Variants in FER1L6 observed in about 807,000 individuals in gnomAD.
FER1L6 encodes fer-1-like protein 6.
In FER1L6, 177 loss-of-function variants were observed where a neutral mutation model predicts 219.2. That is an observed-to-expected ratio of 0.81 (90% CI 0.71 to 0.91). The LOEUF is 0.91. Ranked by LOEUF, FER1L6 falls within the 40% of genes least tolerant of loss-of-function variation. The pLI is 0.00. For synonymous variants in FER1L6, 768 were observed against 824.3 expected (o/e 0.93, Z 1.17); for missense variants, 2,153 against 2,259.9 (o/e 0.95, Z 0.96).
Position 124,018,275 on chromosome 8 carries a change from C to A in FER1L6, c.2013+557C>A, listed in dbSNP as rs183318590. ...GAAAATGTCAGTGCCAGCAAGGGCA[C>A]CAAGGGACATTTCATGTGAGGCCAG... is the stretch of plus-strand genomic sequence containing the variant. On this transcript the variant is annotated intron_variant, in intron 16 of 40. Transcript: ENST00000522917. 2.2e-4 allele frequency among the ~76,000 whole-genome samples: 34 copies of A among 152,236 alleles called. No homozygotes were observed. The East Asian group carries it at 6.4e-3, about 29-fold the overall frequency.
chr8:123,893,932 A>G (rs1812695291), intron 1 of FER1L6, among the ~76,000 whole-genome samples: 1 of 152,228 alleles, frequency 6.6e-6, no homozygotes, highest in African/African-American at 2.4e-5. Flanking sequence ...TTAGGTGGCC[A>G]CATGGTCACC....
At chr8:123,875,234 C>A (rs775114558) in intron 1 of FER1L6, among the ~76,000 whole-genome samples, 16 of 152,068 alleles carry the variant, frequency 1.1e-4, no homozygotes, top group South Asian at 2.1e-4. Flanking sequence ...CCTCAAATAT[C>A]TTCTGTACTC....
At chr8:123,899,738 G>A (rs936522975) in intron 1 of FER1L6, among the ~76,000 whole-genome samples, 2 of 152,064 alleles carry the variant, frequency 1.3e-5, no homozygotes, top group Non-Finnish European at 2.9e-5. Context: ...AATTATCCCA[G>A]CACCATTTGT....
At chr8:123,920,522 T>G (rs1416911655) in intron 1 of FER1L6, among the ~76,000 whole-genome samples, 1 of 152,212 alleles carries the variant, frequency 6.6e-6, no homozygotes, top group Admixed American at 6.5e-5. Context: ...TGACCATGTC[T>G]GCGAGCCAGA....
intron 1 of FER1L6, among the ~76,000 whole-genome samples, chr8:123,927,876 A>T (rs1308161822): frequency 6.6e-6 from 1 of 152,186 alleles, no homozygotes; most frequent in Non-Finnish European, 1.5e-5. Context: ...GCAACTTTAT[A>T]TATCACAGTG....
chr8:123,856,901 T>C (rs1816659474), intron 1 of FER1L6, among the ~76,000 whole-genome samples: 1 of 152,040 alleles, frequency 6.6e-6, no homozygotes, highest in African/African-American at 2.4e-5. Context: ...CAGATGGAGA[T>C]GGGGCAGACC....
At chr8:124,045,261 G>A (rs1427652157) in intron 20 of FER1L6, among the ~76,000 whole-genome samples, 1 of 152,300 alleles carries the variant, frequency 6.6e-6, no homozygotes, top group African/African-American at 2.4e-5. Flanking sequence ...TTAGCAGCCT[G>A]CCTGGGCTTT....
intron 1 of FER1L6, among the ~76,000 whole-genome samples, chr8:123,933,245 G>A (rs1199448079): frequency 6.6e-6 from 1 of 152,202 alleles, no homozygotes; most frequent in Non-Finnish European, 1.5e-5. Flanking sequence ...AACCAGAGCA[G>A]AAAGTAACAT....
chr8:124,077,362 G>A (rs1821335902), intron 32 of FER1L6, among the ~76,000 whole-genome samples: 1 of 152,150 alleles, frequency 6.6e-6, no homozygotes, highest in African/African-American at 2.4e-5. Flanking sequence ...TTTATCTTGA[G>A]TAAACAGGAA....
chr8:123,861,315 G>A (rs1364787010), intron 1 of FER1L6, among the ~76,000 whole-genome samples: 2 of 139,316 alleles, frequency 1.4e-5, no homozygotes, highest in South Asian at 2.3e-4. Context: ...TATTTCTGAG[G>A]GCTCTGTTCT....
rs752883324 is a variant in FER1L6 at position 124,011,910 on chromosome 8, A to G, written c.1821+1196A>G. On this transcript the variant is annotated intron_variant, in intron 14 of 40. Transcript: ENST00000522917. The stretch of plus-strand genomic sequence containing the variant: ...GCATAATACCTGGCACGTGATAGCC[A>G]CTAAATAATTATTCAGGGAATTGAA... 2.6e-5 allele frequency among the ~76,000 whole-genome samples: 4 copies of G among 152,120 alleles called. No individual in the cohort carries two copies. In the South Asian group the frequency reaches 6.2e-4, roughly 24 times the overall value.
chr8:123,874,723 C>T (rs1003338676), intron 1 of FER1L6, among the ~76,000 whole-genome samples: 1 of 152,194 alleles, frequency 6.6e-6, no homozygotes, highest in Non-Finnish European at 1.5e-5. Context: ...TGTTCTTCTC[C>T]ATCAGCATCT....
At chr8:123,953,284 G>A (rs369281462) in intron 1 of FER1L6, among the ~76,000 whole-genome samples, 38 of 152,310 alleles carry the variant, frequency 2.5e-4, no homozygotes, top group South Asian at 1.5e-3. Context: ...AGAGGGCCGC[G>A]CTGGTTGTAA....
At chr8:123,898,419 C>T (rs760167205) in intron 1 of FER1L6, among the ~76,000 whole-genome samples, 1 of 151,874 alleles carries the variant, frequency 6.6e-6, no homozygotes, top group Middle Eastern at 3.4e-3. Context: ...TATTTGTAGT[C>T]TTTTATCCCT....
chr8:124,057,825 T>C (rs988601607), intron 22 of FER1L6, among the ~76,000 whole-genome samples: 2 of 152,220 alleles, frequency 1.3e-5, no homozygotes, highest in South Asian at 2.1e-4. Flanking sequence ...TTTTCAGCTA[T>C]AGAATTTCCA....
intron 20 of FER1L6, among the ~76,000 whole-genome samples, chr8:124,041,850 T>C (rs1819515510): frequency 6.6e-6 from 1 of 152,034 alleles, no homozygotes; most frequent in Non-Finnish European, 1.5e-5. Context: ...TGGGTCAAAA[T>C]CCACGCTCTT....
chr8:124,066,500 G>T lies in FER1L6; in HGVS notation c.3628G>T (p.Val1210Leu). 4.3e-6 allele frequency: 7 copies of T among 1,614,096 alleles called. No individual in the cohort carries two copies. Among genetic ancestry groups the T allele is most frequent in the Non-Finnish European group, 5.1e-6 (6 of 1,179,962 alleles). ...CATAGCAGATGAATCTGCTGAAAAC[G>T]TGATTGACTGGTGGTCTAAGTATTA... The part of the protein sequence containing the change: ...RTIADESAEN[V>L]IDWWSKYYAS... The change falls in exon 27 of 41, where the codon GTG (valine) becomes TTG (leucine). Residue 1210 changes from valine to leucine, a missense_variant. By Grantham distance (32) the Val-to-Leu change is conservative (BLOSUM62 1). Transcript: ENST00000522917.
chr8:123,879,560 C>T (rs1160248567), intron 1 of FER1L6, among the ~76,000 whole-genome samples: 1 of 152,098 alleles, frequency 6.6e-6, no homozygotes, highest in Non-Finnish European at 1.5e-5. Context: ...CTCCTGACCT[C>T]GTGATCCGCC....
intron 1 of FER1L6, among the ~76,000 whole-genome samples, chr8:123,870,123 A>G (rs1816900776): frequency 6.6e-6 from 1 of 152,254 alleles, no homozygotes; most frequent in African/African-American, 2.4e-5. Context: ...ATCTATTAGA[A>G]TGGTTAAATC....
Sources: gnomAD v4.1 joint callset for allele counts (sites outside exome capture counted in the v4.1 genomes callset) on GRCh38, gnomAD v4.1.1 for gene constraint, MANE v1.5 for transcripts, NCBI Gene and HGNC (gene_info 2026-07-23, HGNC 2026-07-21) for gene names.